Variants in CUL3 observed in about 807,000 individuals in gnomAD.
The protein encoded by CUL3 is cullin-3.
In CUL3, 19 loss-of-function variants were observed where a neutral mutation model predicts 89.1. That is an observed-to-expected ratio of 0.21 (90% CI 0.15 to 0.31). CUL3 has a LOEUF of 0.31. Among genes scored for constraint, CUL3 ranks in the 10% least tolerant of loss-of-function variants. The pLI is 1.00. For missense variants in CUL3, 469 were observed against 942.3 expected, an observed-to-expected ratio of 0.50 and a Z score of 6.58; for synonymous variants, 351 against 308.4, an observed-to-expected ratio of 1.14 and a Z score of -1.45.
intron 2 of CUL3, among the ~76,000 whole-genome samples, chr2:224,556,072 C>T (rs1694700105): frequency 6.6e-6 from 1 of 152,134 alleles, no homozygotes; most frequent in South Asian, 2.1e-4. Context: ...AAGATACTAA[C>T]TGCGTGGCTC....
intron 2 of CUL3, among the ~76,000 whole-genome samples, chr2:224,553,099 T>C (rs72974214): frequency 3.5e-4 from 54 of 152,352 alleles, no homozygotes; most frequent in Non-Finnish European, 6.3e-4. Context: ...TCAGAGGTCC[T>C]ACCTTAGGAA....
chr2:224,511,329 T>G (rs777170163), intron 6 of CUL3, 25 bp downstream of exon 6: 2 of 1,487,164 alleles, frequency 1.3e-6, no homozygotes, highest in East Asian at 2.3e-5. Context: ...AAGGATTTAA[T>G]TATTTTTCAA....
chr2:224,472,530 G>A lies in CUL3; in HGVS notation c.*1715C>T. The A allele has an allele frequency of 5.3e-6, 1 of 187,372 alleles. No individual in the cohort carries two copies. Among genetic ancestry groups the A allele is most frequent in the Non-Finnish European group, 1.1e-5 (1 of 88,894 alleles). The allele number at this position is 187,372 out of a possible 1,614,324, so 11.6% of individuals were successfully genotyped here. A position where few individuals can be genotyped will look rare whatever the true frequency, so the allele number is the denominator to read the frequency against. On this transcript the variant is annotated 3_prime_UTR_variant, in exon 16 of 16. Coordinates refer to ENST00000264414, the MANE Select transcript of CUL3 (RefSeq NM_003590.5). ...GAAGGTGAAACCCTTAGCTTTCCATGTTACACCTGACTTAGTACTACTCAA... is the reference window on the plus strand; with the variant it reads ...GAAGGTGAAACCCTTAGCTTTCCATATTACACCTGACTTAGTACTACTCAA...
At chr2:224,481,828 G>C (rs2106150834) in intron 14 of CUL3, 64 bp downstream of exon 14, 1 of 1,145,628 alleles carries the variant, frequency 8.7e-7, no homozygotes, top group South Asian at 2.2e-5. Flanking sequence ...TCCAATAGAT[G>C]AGATTTTTTT....
At chr2:224,584,367 G>A (rs1695521559) in intron 1 of CUL3, among the ~76,000 whole-genome samples, 2 of 152,130 alleles carry the variant, frequency 1.3e-5, no homozygotes, top group South Asian at 4.1e-4. Flanking sequence ...GATGAAAGAC[G>A]CTATAAATAC....
intron 1 of CUL3, among the ~76,000 whole-genome samples, chr2:224,558,689 A>AT (rs1238495580): frequency 2.6e-5 from 4 of 152,170 alleles, no homozygotes; most frequent in East Asian, 1.9e-4. Context: ...CCAATGTAAT[A>AT]TTATACAGAA....
intron 3 of CUL3, among the ~76,000 whole-genome samples, chr2:224,534,821 A>G (rs1259018209): frequency 6.6e-6 from 1 of 151,794 alleles, no homozygotes; most frequent in Non-Finnish European, 1.5e-5. Context: ...TCTCTACTAA[A>G]AAGAAAAATA....
In CUL3 at chr2:224,505,329, G is replaced by A. The variant is rs1486540723; in HGVS notation, c.1206+627C>T. Among the ~76,000 whole-genome samples the A allele has an allele frequency of 3.9e-5, 6 of 152,008 alleles. No homozygotes were observed. The East Asian group carries it at 1.2e-3, about 29-fold the overall frequency. On this transcript the variant is annotated intron_variant, in intron 8 of 15. Transcript: ENST00000264414. The stretch of plus-strand genomic sequence containing the variant: ...ATTTTGTATTTTTAGTAGAGATGGG[G>A]TTTCACCAAGTTGGTCAGGCTGGTC...
At chr2:224,509,846 G>A (rs1233350893) in intron 6 of CUL3, among the ~76,000 whole-genome samples, 1 of 152,194 alleles carries the variant, frequency 6.6e-6, no homozygotes, top group Non-Finnish European at 1.5e-5. Flanking sequence ...CAAATGCTTT[G>A]CATAAAGTCC....
At chr2:224,561,558 G>A (rs1359322701) in intron 1 of CUL3, among the ~76,000 whole-genome samples, 1 of 152,148 alleles carries the variant, frequency 6.6e-6, no homozygotes, top group Non-Finnish European at 1.5e-5. Context: ...GATCTTTTCT[G>A]AAGAGCTTGA....
At chr2:224,575,855 A>G (rs1190517374) in intron 1 of CUL3, among the ~76,000 whole-genome samples, 1 of 152,216 alleles carries the variant, frequency 6.6e-6, no homozygotes. Flanking sequence ...GATCCCTGCA[A>G]TACAAGCCTG....
At chr2:224,515,604 TCTACAGGTTATAG>T (rs1331745035) in intron 3 of CUL3, among the ~76,000 whole-genome samples, 1 of 152,186 alleles carries the variant, frequency 6.6e-6, no homozygotes, top group African/African-American at 2.4e-5. Context: ...TGAACATGAA[TCTACAGGTTATAG>T]CTAACGATAA....
intron 2 of CUL3, among the ~76,000 whole-genome samples, chr2:224,542,948 T>C (rs1694171314): frequency 6.6e-6 from 1 of 152,180 alleles, no homozygotes; most frequent in South Asian, 2.1e-4. Flanking sequence ...CCAGCAGCTC[T>C]TGGGCTAGCT....
At chr2:224,478,661 A>G (rs897244109) in intron 14 of CUL3, 2 of 227,422 alleles carry the variant, frequency 8.8e-6, no homozygotes, top group Non-Finnish European at 1.7e-5. Context: ...AATAATTTTC[A>G]TTGCTTATGA....
chr2:224,515,908 C>T lies in CUL3; in HGVS notation c.379-1136G>A, dbSNP rs765051868. ...GGGGTTTCATCAGTTGGCCTGGTCT[C>T]GAAAGTCCTGACCTCAAGTGATCTG... On this transcript the variant is annotated intron_variant, in intron 3 of 15. Coordinates refer to ENST00000264414, the MANE Select transcript of CUL3 (RefSeq NM_003590.5). Among the ~76,000 whole-genome samples the T allele has an allele frequency of 3.3e-4, 50 of 151,918 alleles. 1 individual carries two copies. Among genetic ancestry groups the T allele is most frequent in the Admixed American group, 1.1e-3 (17 of 15,242 alleles).
intron 1 of CUL3, among the ~76,000 whole-genome samples, chr2:224,572,544 G>A (rs1028593787): frequency 8.6e-5 from 13 of 150,852 alleles, no homozygotes; most frequent in Admixed American, 4.0e-4. Context: ...AGGAGGCTGC[G>A]GTGAAAGAAT....
At chr2:224,520,816 G>C (rs961146008) in intron 3 of CUL3, among the ~76,000 whole-genome samples, 2 of 152,218 alleles carry the variant, frequency 1.3e-5, no homozygotes, top group Non-Finnish European at 2.9e-5. Context: ...TCTTGGCAAA[G>C]ATGTGCCTCT....
At chr2:224,500,627 CTTTTTTTT>C (rs11350781) in intron 10 of CUL3, 140 bp from the exon 11 acceptor site, 30 of 396,356 alleles carry the variant, frequency 7.6e-5, no homozygotes, top group Middle Eastern at 8.4e-4. Flanking sequence ...ATTTTCTTTT[CTTTTTTTT>C]TTTTTTTTTG....
intron 2 of CUL3, among the ~76,000 whole-genome samples, chr2:224,548,302 C>T (rs1259636869): frequency 1.3e-5 from 2 of 152,180 alleles, no homozygotes; most frequent in Non-Finnish European, 1.5e-5. Flanking sequence ...GCTCAACAGG[C>T]GGTTTTCTGA....
Sources: allele counts gnomAD v4.1 joint callset (sites outside exome capture counted in the v4.1 genomes callset), GRCh38; gene constraint gnomAD v4.1.1; transcripts MANE v1.5; gene names NCBI Gene and HGNC (gene_info 2026-07-23, HGNC 2026-07-21).